The following KATNAL2 variants were observed in gnomAD, a reference collection of about 807,000 sequenced individuals.
KATNAL2 encodes katanin p60 ATPase-containing subunit A-like 2.
KATNAL2 carries 52 observed loss-of-function variants against 76.3 expected under a neutral mutation model. That is an observed-to-expected ratio of 0.68 (90% CI 0.55 to 0.86). The LOEUF is 0.86. Among genes scored for constraint, KATNAL2 ranks in the 40% least tolerant of loss-of-function variants. The pLI is 0.00. For synonymous variants in KATNAL2, 243 were observed against 244.2 expected, an observed-to-expected ratio of 1.00 and a Z score of 0.05; for missense variants, 660 against 668.9, an observed-to-expected ratio of 0.99 and a Z score of 0.15.
rs545695377 is a variant in KATNAL2 at position 47,085,130 on chromosome 18, C to T, written c.1211+7669C>T. 1.1e-4 allele frequency among the ~76,000 whole-genome samples: 16 copies of T among 152,232 alleles called. No homozygotes were observed. The South Asian group carries it at 1.7e-3, about 16-fold the overall frequency. ...AGTGATACTAATTTGGAATTAATGG[C>T]GATTAAGCTTTACAGCCCCTTGATT... On this transcript the variant is annotated intron_variant, in intron 15 of 17. Transcript: ENST00000683218.
chr18:47,042,241 T>C (rs769183853), intron 3 of KATNAL2, among the ~76,000 whole-genome samples: 3 of 152,228 alleles, frequency 2.0e-5, no homozygotes, highest in Non-Finnish European at 2.9e-5. Context: ...CTGACTTTTA[T>C]TTATTTTAGA....
At chr18:47,035,298 C>G in intron 3 of KATNAL2, 2 of 1,611,606 alleles carry the variant, frequency 1.2e-6, no homozygotes, top group Non-Finnish European at 1.7e-6. Flanking sequence ...GCTGTCCCGG[C>G]GGTCGCAGCT....
At chr18:47,089,588 T>C (rs942994289) in intron 15 of KATNAL2, among the ~76,000 whole-genome samples, 14 of 152,182 alleles carry the variant, frequency 9.2e-5, no homozygotes, top group African/African-American at 3.1e-4. Flanking sequence ...GAATGAGAAG[T>C]GGGGTCTCTG....
At chr18:46,961,755 G>C (rs887184798) in intron 3 of KATNAL2, among the ~76,000 whole-genome samples, 1 of 152,184 alleles carries the variant, frequency 6.6e-6, no homozygotes, top group Non-Finnish European at 1.5e-5. Context: ...ATTCAGGTGA[G>C]AGAAAATAGT....
intron 3 of KATNAL2, chr18:47,033,707 G>C (rs202182645): frequency 1.4e-4 from 222 of 1,614,190 alleles, no homozygotes; most frequent in Non-Finnish European, 1.6e-5. Flanking sequence ...TGGCAGGCAG[G>C]CCTGGAGCCC....
At chr18:47,043,508 T>C (rs994284421) in intron 3 of KATNAL2, among the ~76,000 whole-genome samples, 3 of 152,118 alleles carry the variant, frequency 2.0e-5, no homozygotes, top group African/African-American at 4.8e-5. Context: ...ACTGGAAGCA[T>C]GGCGGAAAGT....
Position 47,077,415 on chromosome 18 carries a change from C to T in KATNAL2, c.1165C>T (p.Arg389Cys), listed in dbSNP as rs372464270. 59 of 1,613,896 alleles carry T rather than the reference C, an allele frequency of 3.7e-5. No homozygotes were observed. The highest frequency in any genetic ancestry group is 1.5e-4 in the African/African-American group (11 of 74,906). Residue 389 changes from arginine (R) to cysteine (C), a missense_variant, in exon 15 of 18, where the codon CGC becomes TGC. Arg to Cys is a radical substitution (Grantham distance 180). Coordinates refer to ENST00000683218, the MANE Select transcript of KATNAL2 (RefSeq NM_001387690.1). ...ACTGGTGCAGATGGATGGGCTGGCA[C>T]GCTCAGAAGATCTCGTATTTGTCTT... Reference protein sequence around the residue: ...ELLVQMDGLARSEDLVFVLAA... With the variant: ...ELLVQMDGLACSEDLVFVLAA...
chr18:47,043,226 C>CAAAAAAAAAAAAAAAAAAA lies in KATNAL2; in HGVS notation c.52-3230_52-3212dup, dbSNP rs1195140135. 9.8e-3 allele frequency among the ~76,000 whole-genome samples: 407 copies of CAAAAAAAAAAAAAAAAAAA among 41,518 alleles called. 65 individuals carry two copies. Among genetic ancestry groups the CAAAAAAAAAAAAAAAAAAA allele is most frequent in the East Asian group, 0.023 (23 of 1,020 alleles). The allele number at this position is 41,518 out of a possible 152,430, so 27.2% of individuals were successfully genotyped here. On this transcript the variant is annotated intron_variant, in intron 3 of 17. Transcript: ENST00000683218. ...CCGGCGACAGAGCGAGACTCCGTTT[C>CAAAAAAAAAAAAAAAAAAA]AAAAAAAAAAAAAAAAAAAGAGATC... is the stretch of plus-strand genomic sequence containing the variant.
chr18:46,964,379 TGC>T, intron 3 of KATNAL2: 1 of 82,016 alleles, frequency 1.2e-5, no homozygotes, highest in Non-Finnish European at 2.0e-5. Context: ...GCTTCCCCAC[TGC>T]GCGCAGCGTA....
chr18:47,099,470 A>C, intron 16 of KATNAL2, 65 bp downstream of exon 16: 1 of 1,448,856 alleles, frequency 6.9e-7, no homozygotes, highest in Non-Finnish European at 9.3e-7. Context: ...CTTGTAGACC[A>C]GGTCTTACCA....
chr18:47,089,361 A>AT (rs1005675171), intron 15 of KATNAL2, among the ~76,000 whole-genome samples: 18 of 152,102 alleles, frequency 1.2e-4, no homozygotes, highest in African/African-American at 4.3e-4. Context: ...CAGCCTTCCC[A>AT]TTTTTTTCCT....
chr18:47,038,837 A>C lies in KATNAL2; in HGVS notation c.52-7620A>C, dbSNP rs547778391. ...TGCAAATTATTATAAAACCCACAAG[A>C]AAAACTGCAAAGAGAAATGTCTGCT... On this transcript the variant is annotated intron_variant, in intron 3 of 17. Coordinates refer to ENST00000683218, the MANE Select transcript of KATNAL2 (RefSeq NM_001387690.1). 2.0e-5 allele frequency among the ~76,000 whole-genome samples: 3 copies of C among 152,348 alleles called. 1 individual carries two copies. Among genetic ancestry groups the C allele is most frequent in the Non-Finnish European group, 4.4e-5 (3 of 68,040 alleles).
chr18:47,065,264 A>G (rs1016889422), intron 10 of KATNAL2, among the ~76,000 whole-genome samples: 1 of 152,140 alleles, frequency 6.6e-6, no homozygotes, highest in African/African-American at 2.4e-5. Flanking sequence ...GTTTGAGACC[A>G]GCCTGGCCAA....
Position 47,077,314 on chromosome 18 carries a change from CT to C in KATNAL2, c.1101-36del, listed in dbSNP as rs2062282715. ...TGCTCTTGTCATGAGGGCGAAGGCT[CT>C]GACACTTAGGAGAATCACGTCTTGT... is the stretch of plus-strand genomic sequence containing the variant. On this transcript the variant is annotated intron_variant, in intron 14 of 17. Transcript: ENST00000683218. 17 of 1,503,118 alleles carry C rather than the reference CT, an allele frequency of 1.1e-5. 1 individual carries two copies. In the East Asian group the frequency reaches 3.6e-4, roughly 32 times the overall value. 93.1% of individuals were successfully genotyped at this position (1,503,118 alleles called of 1,614,324 possible).
chr18:47,074,792 A>C (rs1245656081), intron 13 of KATNAL2, among the ~76,000 whole-genome samples: 2 of 152,160 alleles, frequency 1.3e-5, no homozygotes, highest in African/African-American at 4.8e-5. Flanking sequence ...AAAGGGGCTA[A>C]ATTTGTCAGC....
chr18:46,950,337 C>G (rs1050827345), intron 3 of KATNAL2, among the ~76,000 whole-genome samples: 3 of 152,024 alleles, frequency 2.0e-5, no homozygotes, highest in Admixed American at 1.3e-4. Flanking sequence ...GAGTAGGGGT[C>G]TGGAGAAGCT....
chr18:47,035,363 G>A (rs1933990436), intron 3 of KATNAL2: 2 of 1,580,152 alleles, frequency 1.3e-6, no homozygotes, highest in South Asian at 2.3e-5. Flanking sequence ...TCGCTGCCCG[G>A]TCGCCAGGCA....
intron 3 of KATNAL2, among the ~76,000 whole-genome samples, chr18:46,960,442 TG>T (rs1725891352): frequency 7.7e-6 from 1 of 130,602 alleles, no homozygotes; most frequent in Non-Finnish European, 1.7e-5. Flanking sequence ...AAAAAAAAAA[TG>T]AACAGCAGTT....
intron 15 of KATNAL2, among the ~76,000 whole-genome samples, chr18:47,082,476 A>C (rs1214861610): frequency 6.6e-6 from 1 of 152,244 alleles, no homozygotes; most frequent in Non-Finnish European, 1.5e-5. Context: ...CTAAACTCAC[A>C]ATGTTTATTA....
Sources: gnomAD v4.1 joint callset for allele counts (sites outside exome capture counted in the v4.1 genomes callset) on GRCh38, gnomAD v4.1.1 for gene constraint, MANE v1.5 for transcripts, NCBI Gene and HGNC (gene_info 2026-07-23, HGNC 2026-07-21) for gene names.